The following CHN2 variants were observed in gnomAD, a reference collection of about 807,000 sequenced individuals.
CHN2 encodes the protein beta-chimaerin.
In CHN2, 35 loss-of-function variants were observed where a neutral mutation model predicts 56.3. The observed-to-expected ratio is 0.62, with a 90% CI of 0.47 to 0.82. The LOEUF is 0.82. Ranked by LOEUF, CHN2 falls within the 40% of genes least tolerant of loss-of-function variation. The pLI is 0.00. For synonymous variants in CHN2, 210 were observed against 212.8 expected (o/e 0.99, Z 0.12); for missense variants, 491 against 580.5 (o/e 0.85, Z 1.58).
chr7:29,153,066 T>C (rs1470016406), intron 2 of CHN2, among the ~76,000 whole-genome samples: 3 of 152,212 alleles, frequency 2.0e-5, no homozygotes, highest in Non-Finnish European at 4.4e-5. Flanking sequence ...TACACCACCA[T>C]GTTGTAGCAC....
In CHN2 at chr7:29,421,121, TAGAA is replaced by T. The variant is rs558074549; in HGVS notation, c.576+20299_576+20302del. On this transcript the variant is annotated intron_variant, in intron 6 of 12. Coordinates refer to ENST00000222792, the MANE Select transcript of CHN2 (RefSeq NM_004067.4). ...TGGGTTTTTAAACCACAACTAAATT[TAGAA>T]AGAAAAACTCAATCTAGAGAAGCAG... 1.4e-4 allele frequency among the ~76,000 whole-genome samples: 22 copies of T among 152,298 alleles called. No homozygotes were observed. The South Asian group carries it at 4.4e-3, about 30-fold the overall frequency.
At position 29,381,809 on chromosome 7, in the gene CHN2, C is replaced by CAAAAA. The variant is rs60652952; in HGVS notation, c.145-11847_145-11843dup. The stretch of plus-strand genomic sequence containing the variant: ...AAAAGTCTATTCTCACTAAACTAAG[C>CAAAAA]AAAAAAAAAAAAAAAAAAAAAAAAA... On this transcript the variant is annotated intron_variant, in intron 3 of 12. Coordinates refer to ENST00000222792, the MANE Select transcript of CHN2 (RefSeq NM_004067.4). Among the ~76,000 whole-genome samples, 14 of 39,512 alleles carry CAAAAA rather than the reference C, an allele frequency of 3.5e-4. 4 individuals are homozygous for CAAAAA. The highest frequency in any genetic ancestry group is 3.7e-4 in the Non-Finnish European group (7 of 19,044). 25.9% of individuals were successfully genotyped at this position (39,512 alleles called of 152,430 possible).
chr7:29,273,096 A>G (rs1790795439), intron 1 of CHN2, among the ~76,000 whole-genome samples: 1 of 151,772 alleles, frequency 6.6e-6, no homozygotes, highest in African/African-American at 2.4e-5. Flanking sequence ...TTTGACCTAC[A>G]TCTTTCCGTT....
chr7:29,450,074 A>C (rs573129788), intron 6 of CHN2, among the ~76,000 whole-genome samples: 1 of 152,172 alleles, frequency 6.6e-6, no homozygotes, highest in Non-Finnish European at 1.5e-5. Flanking sequence ...TTTCACATCA[A>C]TTGAAGAATC....
At chr7:29,150,529 T>A (rs1793444405) in intron 2 of CHN2, among the ~76,000 whole-genome samples, 1 of 152,142 alleles carries the variant, frequency 6.6e-6, no homozygotes, top group African/African-American at 2.4e-5. Flanking sequence ...CTCCTTAAAT[T>A]CCAGTTAAGA....
chr7:29,361,987 C>A (rs1562547417), intron 2 of CHN2, among the ~76,000 whole-genome samples: 1 of 152,240 alleles, frequency 6.6e-6, no homozygotes, highest in Non-Finnish European at 1.5e-5. Flanking sequence ...ATCCCTCTTT[C>A]AGCAAGGCAA....
At chr7:29,186,964 C>T (rs1332385021) in intron 2 of CHN2, among the ~76,000 whole-genome samples, 1 of 152,152 alleles carries the variant, frequency 6.6e-6, no homozygotes, top group African/African-American at 2.4e-5. Flanking sequence ...TTTCTAGCCT[C>T]AGTTTCCCCA....
At chr7:29,201,766 C>T (rs1784181631) in intron 1 of CHN2, among the ~76,000 whole-genome samples, 1 of 152,176 alleles carries the variant, frequency 6.6e-6, no homozygotes, top group Non-Finnish European at 1.5e-5. Context: ...AGGAAATTCT[C>T]TAAGACAGAG....
At chr7:29,242,238 A>T (rs548980487) in intron 1 of CHN2, among the ~76,000 whole-genome samples, 2 of 152,362 alleles carry the variant, frequency 1.3e-5, no homozygotes, top group African/African-American at 4.8e-5. Context: ...ACCATGTCAC[A>T]ATCCTCACCA....
intron 1 of CHN2, among the ~76,000 whole-genome samples, chr7:29,313,072 T>TA (rs1292045449): frequency 1.3e-5 from 2 of 152,180 alleles, no homozygotes; most frequent in Non-Finnish European, 2.9e-5. Flanking sequence ...TATTCTTTTT[T>TA]ATCGGACTCT....
intron 6 of CHN2, among the ~76,000 whole-genome samples, chr7:29,405,069 A>G (rs1802519521): frequency 6.6e-6 from 1 of 152,024 alleles, no homozygotes; most frequent in Non-Finnish European, 1.5e-5. Flanking sequence ...AAAAATTTAA[A>G]TAAGAGAAAA....
chr7:29,275,180 G>A (rs1392679087), intron 1 of CHN2, among the ~76,000 whole-genome samples: 1 of 152,148 alleles, frequency 6.6e-6, no homozygotes, highest in Non-Finnish European at 1.5e-5. Context: ...TTTTGAGAAT[G>A]AAAAGGTAGT....
chr7:29,425,337 C>A (rs1006096585), intron 6 of CHN2, among the ~76,000 whole-genome samples: 6 of 152,238 alleles, frequency 3.9e-5, no homozygotes, highest in African/African-American at 1.4e-4. Context: ...GTGCTGCCAG[C>A]TGAGTCCCGG....
intron 3 of CHN2, among the ~76,000 whole-genome samples, chr7:29,371,616 C>G (rs1042647089): frequency 2.0e-5 from 3 of 152,142 alleles, no homozygotes; most frequent in African/African-American, 2.4e-5. Context: ...ATTTGTTTCT[C>G]TAGCCAAGAC....
chr7:29,195,364 G>C (rs766033259), intron 1 of CHN2: 1 of 233,922 alleles, frequency 4.3e-6, no homozygotes, highest in Non-Finnish European at 8.2e-6. Context: ...CGACCTGTTT[G>C]CCGTGCCGCG....
rs60066489 is a variant in CHN2 at position 29,171,770 on chromosome 7, A to G, written c.274+24810A>G. ...CATTTTCATTTTTCCATAATATAATACATGCCTATCAAATCCATCTAACAT... is the reference window on the plus strand; with the variant it reads ...CATTTTCATTTTTCCATAATATAATGCATGCCTATCAAATCCATCTAACAT... On this transcript the variant is annotated intron_variant, in intron 2 of 6. Coordinates refer to the CHN2 transcript ENST00000439384. Among the ~76,000 whole-genome samples, 919 of 152,362 alleles carry G rather than the reference A, an allele frequency of 6.0e-3. 10 individuals are homozygous for G. Among genetic ancestry groups the G allele is most frequent in the African/African-American group, 0.02 (833 of 41,582 alleles).
At position 29,187,765 on chromosome 7, in the gene CHN2, G is replaced by A. The variant is rs539693886; in HGVS notation, c.274+40805G>A. 2.0e-5 allele frequency among the ~76,000 whole-genome samples: 3 copies of A among 152,098 alleles called. No individual in the cohort carries two copies. The South Asian group carries it at 6.2e-4, about 32-fold the overall frequency. Reference sequence around the variant, plus strand: ...ATAAAAAATAAAAAAAGATCCTGATGTATTGTCAACATCCACTCTCTCCCC... The same window carrying A: ...ATAAAAAATAAAAAAAGATCCTGATATATTGTCAACATCCACTCTCTCCCC... On this transcript the variant is annotated intron_variant, in intron 2 of 6. Coordinates refer to the CHN2 transcript ENST00000439384.
chr7:29,313,574 A>G (rs1794740994), intron 1 of CHN2, among the ~76,000 whole-genome samples: 1 of 152,206 alleles, frequency 6.6e-6, no homozygotes, highest in Non-Finnish European at 1.5e-5. Context: ...ACTCTAGGAA[A>G]GCATCTCATT....
chr7:29,400,531 T>C lies in CHN2; in HGVS notation c.291-12T>C. The C allele has an allele frequency of 6.2e-7, 1 of 1,612,588 alleles. No individual in the cohort carries two copies. On this transcript the variant is annotated splice_polypyrimidine_tract_variant and intron_variant, in intron 5 of 12. Transcript: ENST00000222792. Reference sequence around the variant, plus strand: ...CTAACGTGGTTGTAATCCCTCATTCTCTCACGGGCAGGTTTGGAAACCAGA... The same window carrying C: ...CTAACGTGGTTGTAATCCCTCATTCCCTCACGGGCAGGTTTGGAAACCAGA...
Sources: allele counts gnomAD v4.1 joint callset (sites outside exome capture counted in the v4.1 genomes callset), GRCh38; gene constraint gnomAD v4.1.1; transcripts MANE v1.5; gene names NCBI Gene and HGNC (gene_info 2026-07-23, HGNC 2026-07-21).